Variants in HSPA9 observed in about 807,000 individuals in gnomAD.
HSPA9 encodes the protein heat shock protein family A (Hsp70) member 9, also known as stress-70 protein, mitochondrial.
Under a neutral mutation model 81.5 loss-of-function variants are expected in HSPA9, and 28 were observed. The observed-to-expected ratio is 0.34, with a 90% CI of 0.25 to 0.47. HSPA9 has a LOEUF of 0.47. Among genes scored for constraint, HSPA9 ranks in the 20% least tolerant of loss-of-function variants. HSPA9 has a pLI of 1.00. For missense variants in HSPA9, 678 were observed against 838.0 expected (o/e 0.81, Z 2.36); for synonymous variants, 293 against 290.4 (o/e 1.01, Z -0.09).
Position 138,561,801 on chromosome 5 carries a change from A to G in HSPA9, c.973-12T>C. On this transcript the variant is annotated splice_polypyrimidine_tract_variant and intron_variant, in intron 9 of 16. Transcript: ENST00000297185. ...AAATTGATGTCAGTCTGCAAAGGAAATGTTTAATTGCATGTCAGCGAGCAG... is the reference window on the plus strand; with the variant it reads ...AAATTGATGTCAGTCTGCAAAGGAAGTGTTTAATTGCATGTCAGCGAGCAG... 6.3e-7 allele frequency: 1 copy of G among 1,593,700 alleles called. No individual in the cohort carries two copies. The highest frequency in any genetic ancestry group is 8.6e-7 in the Non-Finnish European group (1 of 1,161,358).
At chr5:138,556,955 A>G in intron 14 of HSPA9, 89 bp from the exon 15 acceptor site, 1 of 886,698 alleles carries the variant, frequency 1.1e-6, no homozygotes, top group Non-Finnish European at 1.9e-6. Flanking sequence ...TATGTGTTAC[A>G]TACAGTTACA....
chr5:138,559,045 T>A (rs376626000), intron 11 of HSPA9: 15 of 214,406 alleles, frequency 7.0e-5, no homozygotes, highest in African/African-American at 3.2e-4. Context: ...GGCACAAATA[T>A]ACCAACAACC....
rs761912672 is a variant in HSPA9 at position 138,557,512 on chromosome 5, G to A, written c.1634-16C>T. 1.3e-6 allele frequency: 2 copies of A among 1,484,020 alleles called. No homozygotes were observed. The highest frequency in any genetic ancestry group is 1.1e-5 in the South Asian group (1 of 87,422). 91.9% of individuals were successfully genotyped at this position (1,484,020 alleles called of 1,614,324 possible). A position where few individuals can be genotyped will look rare whatever the true frequency, so the allele number is the denominator to read the frequency against. On this transcript the variant is annotated splice_polypyrimidine_tract_variant and intron_variant, in intron 13 of 16. Coordinates refer to ENST00000297185, the MANE Select transcript of HSPA9 (RefSeq NM_004134.7). Reference sequence around the variant, plus strand: ...TGGATTACAACTGTAGTAAACAGAAGGCATTTCATTAATTCCCAGGTAAAG... The same window carrying A: ...TGGATTACAACTGTAGTAAACAGAAAGCATTTCATTAATTCCCAGGTAAAG...
intron 7 of HSPA9, 60 bp downstream of exon 7, chr5:138,567,395 A>G (rs256014): frequency 0.45 from 601,976 of 1,348,552 alleles, 144,853 homozygotes; most frequent in East Asian, 0.81. Flanking sequence ...CAATTACTAA[A>G]AAATTAAGTG....
intron 9 of HSPA9, among the ~76,000 whole-genome samples, chr5:138,565,677 T>C (rs963229603): frequency 2.0e-5 from 3 of 152,182 alleles, no homozygotes; most frequent in Admixed American, 6.5e-5. Flanking sequence ...AGACGGAAAC[T>C]TGCACAAGCT....
At chr5:138,568,230 C>T (rs1750807928) in intron 5 of HSPA9, among the ~76,000 whole-genome samples, 1 of 152,000 alleles carries the variant, frequency 6.6e-6, no homozygotes, top group South Asian at 2.1e-4. Flanking sequence ...GGCACGGTGG[C>T]TCATGCCTGT....
chr5:138,568,807 T>A, intron 5 of HSPA9, 118 bp downstream of exon 5: 1 of 1,090,354 alleles, frequency 9.2e-7, no homozygotes, highest in Non-Finnish European at 1.4e-6. Flanking sequence ...CCATTCCTAG[T>A]TTTTCTATAC....
At chr5:138,568,433 G>T (rs1750813031) in intron 5 of HSPA9, among the ~76,000 whole-genome samples, 1 of 152,146 alleles carries the variant, frequency 6.6e-6, no homozygotes, top group Non-Finnish European at 1.5e-5. Context: ...CTTGAACCCG[G>T]GAGGCGGAGG....
rs1469030869 is a variant in HSPA9 at position 138,556,452 on chromosome 5, C to T, written c.1962G>A (p.Lys654=). Residue 654 remains lysine, a splice_region_variant and synonymous_variant, in exon 16 of 17, where the codon AAG becomes AAA. Transcript: ENST00000297185. ...SLKLFEMAYK[K]MASEREGSGS... is the part of the protein sequence containing the mutation. ...TCAAAATCCACTTCAGCCCTTGTACCTTTTTGTATGCCATTTCGAACAGCT... is the reference window on the plus strand; with the variant it reads ...TCAAAATCCACTTCAGCCCTTGTACTTTTTTGTATGCCATTTCGAACAGCT... 6.2e-7 allele frequency: 1 copy of T among 1,613,250 alleles called. No homozygotes were observed. The highest frequency in any genetic ancestry group is 8.5e-7 in the Non-Finnish European group (1 of 1,179,932).
intron 1 of HSPA9, among the ~76,000 whole-genome samples, chr5:138,574,564 G>C (rs973781543): frequency 6.6e-6 from 1 of 152,184 alleles, no homozygotes; most frequent in Admixed American, 6.5e-5. Context: ...AAAGAAAAAA[G>C]AAAAGTAGTG....
chr5:138,569,759 T>A (rs6596438), intron 4 of HSPA9, among the ~76,000 whole-genome samples: 1 of 151,962 alleles, frequency 6.6e-6, no homozygotes. Context: ...CTTGCCTTGT[T>A]GGCCTAGATG....
chr5:138,560,368 T>C (rs1750628003), intron 10 of HSPA9, among the ~76,000 whole-genome samples: 1 of 152,176 alleles, frequency 6.6e-6, no homozygotes, highest in South Asian at 2.1e-4. Context: ...CACAACACAT[T>C]AAATCATTTG....
chr5:138,563,852 C>A (rs753128092), intron 9 of HSPA9, among the ~76,000 whole-genome samples: 2 of 152,208 alleles, frequency 1.3e-5, no homozygotes, highest in Non-Finnish European at 2.9e-5. Flanking sequence ...ACATTCAAAG[C>A]CATTCTAGGC....
In HSPA9 at chr5:138,572,984, C is replaced by T. The variant is rs374842732; in HGVS notation, c.228+779G>A. Among the ~76,000 whole-genome samples, 6 of 152,228 alleles carry T rather than the reference C, an allele frequency of 3.9e-5. No individual in the cohort carries two copies. In the East Asian group the frequency reaches 5.8e-4, roughly 15 times the overall value. On this transcript the variant is annotated intron_variant, in intron 3 of 16. Transcript: ENST00000297185. The stretch of plus-strand genomic sequence containing the variant: ...GATCTTGGCTCACTGCAACCTCCAC[C>T]TCCTGGGTTCAAGCGATTCTCCTGC...
At chr5:138,558,713 A>G (rs1260930121) in intron 11 of HSPA9, 56 bp from the exon 12 acceptor site, 15 of 1,109,640 alleles carry the variant, frequency 1.4e-5, no homozygotes, top group Middle Eastern at 3.9e-4. Context: ...CTCCATTTCT[A>G]TAGAAAAAAT....
In HSPA9 at chr5:138,561,754, A is replaced by T. The variant is rs1750665523; in HGVS notation, c.1008T>A (p.Ser336=). The change falls in exon 10 of 17, where the codon TCT becomes TCA. Residue 336 remains serine (S), a synonymous_variant. Coordinates refer to ENST00000297185, the MANE Select transcript of HSPA9 (RefSeq NM_004134.7). ...TCATATTCAAATGCTTGGGTCCAGA[A>T]GAATCCATTGTAAGATAGGGCAAAT... ...DINLPYLTMD[S]SGPKHLNMKL... is the part of the protein sequence containing the mutation. 1 of 1,614,094 alleles carries T rather than the reference A, an allele frequency of 6.2e-7. No homozygotes were observed. The highest frequency in any genetic ancestry group is 1.3e-5 in the African/African-American group (1 of 74,950).
chr5:138,570,053 T>A (rs1750845022), intron 4 of HSPA9, among the ~76,000 whole-genome samples: 1 of 152,108 alleles, frequency 6.6e-6, no homozygotes, highest in South Asian at 2.1e-4. Flanking sequence ...CTTTTTTGTA[T>A]TTTTTGCAGA....
chr5:138,573,641 CAAAAAAAAAAAA>C (rs57776368), intron 3 of HSPA9, 110 bp downstream of exon 3: 450 of 304,276 alleles, frequency 1.5e-3, no homozygotes, highest in Non-Finnish European at 2.2e-3. Context: ...AGACTGTCTC[CAAAAAAAAAAAA>C]AAAAAAAAAA....
chr5:138,563,485 TCTCA>T (rs1750699448), intron 9 of HSPA9, among the ~76,000 whole-genome samples: 1 of 152,126 alleles, frequency 6.6e-6, no homozygotes, highest in Admixed American at 6.6e-5. Flanking sequence ...TGTGTCTTAC[TCTCA>T]CTCTCATCCA....
Sources: gnomAD v4.1 joint callset for allele counts (sites outside exome capture counted in the v4.1 genomes callset) on GRCh38, gnomAD v4.1.1 for gene constraint, MANE v1.5 for transcripts, NCBI Gene and HGNC (gene_info 2026-07-23, HGNC 2026-07-21) for gene names.